Variants in PTPRD observed in about 807,000 individuals in gnomAD.
PTPRD encodes the protein receptor-type tyrosine-protein phosphatase delta.
Under a neutral mutation model 214.5 loss-of-function variants are expected in PTPRD, and 34 were observed. The ratio of observed to expected loss-of-function variants is 0.16; its 90% confidence interval spans 0.12 to 0.21. The LOEUF (loss-of-function observed/expected upper bound fraction) is 0.21, where lower values mean the gene tolerates loss of function less well. Ranked by LOEUF, PTPRD falls within the 10% of genes least tolerant of loss-of-function variation. PTPRD has a pLI of 1.00. For missense variants in PTPRD, 2,545 were observed against 2,398.7 expected (o/e 1.06, Z -1.27); for synonymous variants, 1,128 against 845.7 (o/e 1.33, Z -5.79).
At chr9:9,922,176 A>C (rs1385464938) in intron 5 of PTPRD, among the ~76,000 whole-genome samples, 1 of 152,124 alleles carries the variant, frequency 6.6e-6, no homozygotes, top group African/African-American at 2.4e-5. Context: ...AGAAGGCACG[A>C]ATGAACTGCA....
intron 7 of PTPRD, among the ~76,000 whole-genome samples, chr9:9,636,903 G>A (rs937452493): frequency 1.3e-5 from 2 of 152,126 alleles, no homozygotes; most frequent in African/African-American, 4.8e-5. Context: ...CTGGTAAGGG[G>A]GGCGAGTCTC....
chr9:8,523,699 C>T lies in PTPRD; in HGVS notation c.680-175G>A, dbSNP rs2097938769. Among the ~76,000 whole-genome samples the T allele has an allele frequency of 2.0e-5, 3 of 152,100 alleles. No individual in the cohort carries two copies. The South Asian group carries it at 6.2e-4, about 31-fold the overall frequency. ...AGCTGGAAAAGTTAGCAATATCTCA[C>T]AGACTAACATGGTATTAGAAACAAT... On this transcript the variant is annotated intron_variant, in intron 18 of 45. Coordinates refer to ENST00000381196, the MANE Select transcript of PTPRD (RefSeq NM_002839.4).
At chr9:8,789,443 T>A (rs748808580) in intron 11 of PTPRD, among the ~76,000 whole-genome samples, 12 of 152,210 alleles carry the variant, frequency 7.9e-5, no homozygotes, top group Non-Finnish European at 1.5e-4. Flanking sequence ...TAGAAAAATG[T>A]ATGAATTGAT....
intron 14 of PTPRD, among the ~76,000 whole-genome samples, chr9:8,533,055 T>A (rs2076107081): frequency 6.6e-6 from 1 of 152,120 alleles, no homozygotes; most frequent in Admixed American, 6.6e-5. Context: ...CTTACATATC[T>A]GTGAATGATC....
chr9:9,923,123 G>GGTGTGTGTGT (rs35299908), intron 5 of PTPRD, among the ~76,000 whole-genome samples: 21 of 144,958 alleles, frequency 1.4e-4, no homozygotes, highest in African/African-American at 5.4e-4. Context: ...GTGTGTGGGG[G>GGTGTGTGTGT]GTGTGTGTGT....
chr9:8,497,337 G>T, intron 25 of PTPRD, 69 bp from the exon 26 acceptor site: 1 of 1,325,544 alleles, frequency 7.5e-7, no homozygotes, highest in Non-Finnish European at 1.0e-6. Context: ...CCTTATACAG[G>T]CAGTGTTGCC....
chr9:8,700,273 A>C (rs1190775798), intron 12 of PTPRD, among the ~76,000 whole-genome samples: 5 of 152,216 alleles, frequency 3.3e-5, no homozygotes, highest in Non-Finnish European at 7.3e-5. Flanking sequence ...CTAAATTATT[A>C]TTTACTGAAC....
At chr9:8,982,089 T>C (rs925266982) in intron 11 of PTPRD, among the ~76,000 whole-genome samples, 2 of 152,020 alleles carry the variant, frequency 1.3e-5, no homozygotes, top group South Asian at 2.1e-4. Context: ...GCAGTGAAAA[T>C]AGAGGTATTT....
chr9:9,462,440 T>C (rs148359810), intron 8 of PTPRD, among the ~76,000 whole-genome samples: 207 of 152,308 alleles, frequency 1.4e-3, no homozygotes, highest in African/African-American at 4.5e-3. Flanking sequence ...CCAGAAGTCA[T>C]TGTCATAAAA....
At chr9:8,903,148 T>C (rs2098683372) in intron 11 of PTPRD, among the ~76,000 whole-genome samples, 2 of 106,526 alleles carry the variant, frequency 1.9e-5, no homozygotes, top group Admixed American at 1.0e-4. Flanking sequence ...ATCTTATTCT[T>C]TTTTTTTTTA....
intron 9 of PTPRD, among the ~76,000 whole-genome samples, chr9:9,252,889 A>AT (rs1482130570): frequency 6.6e-6 from 1 of 152,080 alleles, no homozygotes; most frequent in African/African-American, 2.4e-5. Context: ...GGAATGAAAG[A>AT]TTTTACCTCT....
At chr9:9,757,870 A>G (rs960871638) in intron 6 of PTPRD, among the ~76,000 whole-genome samples, 1 of 152,102 alleles carries the variant, frequency 6.6e-6, no homozygotes, top group African/African-American at 2.4e-5. Context: ...CCAGCCTGCC[A>G]TTATTGACTT....
chr9:10,039,366 T>C (rs1204564398), intron 3 of PTPRD, among the ~76,000 whole-genome samples: 2 of 152,072 alleles, frequency 1.3e-5, no homozygotes, highest in South Asian at 2.1e-4. Context: ...TTGAATGCTA[T>C]GTCAAAATAA....
intron 12 of PTPRD, among the ~76,000 whole-genome samples, chr9:8,715,915 A>C (rs1360458914): frequency 6.6e-6 from 1 of 152,266 alleles, no homozygotes; most frequent in Non-Finnish European, 1.5e-5. Context: ...CAGTATGAGT[A>C]AATTCCTGCT....
intron 2 of PTPRD, among the ~76,000 whole-genome samples, chr9:10,547,636 G>C (rs1056183577): frequency 1.3e-5 from 2 of 151,592 alleles, no homozygotes; most frequent in Non-Finnish European, 2.9e-5. Context: ...TATATAAGTA[G>C]TATTGTGTAC....
chr9:8,434,716 T>C (rs1233064416), intron 35 of PTPRD, among the ~76,000 whole-genome samples: 2 of 151,922 alleles, frequency 1.3e-5, no homozygotes, highest in Non-Finnish European at 2.9e-5. Context: ...AAAAAGTAGG[T>C]TGGAGTGATG....
chr9:8,635,416 T>C (rs934699076), intron 13 of PTPRD, among the ~76,000 whole-genome samples: 1 of 151,974 alleles, frequency 6.6e-6, no homozygotes, highest in South Asian at 2.1e-4. Flanking sequence ...ATTTTCCAAA[T>C]ATTAAAGATA....
chr9:10,410,270 T>TATGTATAC (rs532202941), intron 2 of PTPRD, among the ~76,000 whole-genome samples: 1 of 139,852 alleles, frequency 7.2e-6, no homozygotes, highest in East Asian at 2.6e-4. Flanking sequence ...TATATATATA[T>TATGTATAC]ACACACACAC....
intron 5 of PTPRD, among the ~76,000 whole-genome samples, chr9:9,903,609 T>C (rs2076903232): frequency 6.6e-6 from 1 of 152,116 alleles, no homozygotes; most frequent in Non-Finnish European, 1.5e-5. Flanking sequence ...ACTGAAAGAA[T>C]AGCATTAAAT....
Sources: gnomAD v4.1 joint callset for allele counts (sites outside exome capture counted in the v4.1 genomes callset) on GRCh38, gnomAD v4.1.1 for gene constraint, MANE v1.5 for transcripts, NCBI Gene and HGNC (gene_info 2026-07-23, HGNC 2026-07-21) for gene names.